GOLGA4: variants seen among roughly 807,000 people sequenced by gnomAD.
GOLGA4 encodes the protein golgin A4.
A neutral mutation model predicts 265.9 loss-of-function variants in GOLGA4; 169 were observed. The ratio of observed to expected loss-of-function variants is 0.64; its 90% CI spans 0.56 to 0.72. GOLGA4 has a LOEUF of 0.72. Among genes scored for constraint, GOLGA4 ranks in the 30% least tolerant of loss-of-function variants. The pLI, the probability that GOLGA4 is intolerant of heterozygous loss-of-function variation, is 0.00. For missense variants in GOLGA4, 2,482 were observed against 2,483.4 expected (o/e 1.00, Z 0.01); for synonymous variants, 923 against 855.8 (o/e 1.08, Z -1.37).
At chr3:37,288,741 G>C (rs1357570025) in intron 4 of GOLGA4, among the ~76,000 whole-genome samples, 3 of 151,994 alleles carry the variant, frequency 2.0e-5, no homozygotes, top group Non-Finnish European at 2.9e-5. Context: ...GCCTCCCAAA[G>C]TGCTGGGATT....
intron 21 of GOLGA4, among the ~76,000 whole-genome samples, chr3:37,349,410 A>G (rs2097066688): frequency 6.6e-6 from 1 of 152,104 alleles, no homozygotes; most frequent in African/African-American, 2.4e-5. Flanking sequence ...TTAAGAGGAG[A>G]TGTTAGATTT....
intron 2 of GOLGA4, chr3:37,273,740 T>A (rs2096805291): frequency 1.7e-6 from 1 of 575,194 alleles, no homozygotes; most frequent in Non-Finnish European, 3.1e-6. Flanking sequence ...TAAACACAGG[T>A]TTGCTCATGG....
intron 10 of GOLGA4, among the ~76,000 whole-genome samples, chr3:37,311,319 A>G (rs1192623129): frequency 6.6e-6 from 1 of 152,190 alleles, no homozygotes; most frequent in Non-Finnish European, 1.5e-5. Flanking sequence ...GCCAGTTAAC[A>G]TTTCCTTAAA....
At chr3:37,258,224 CTG>C (rs994243891) in intron 2 of GOLGA4, among the ~76,000 whole-genome samples, 6 of 144,142 alleles carry the variant, frequency 4.2e-5, no homozygotes, top group Admixed American at 2.8e-4. Context: ...TATATATGCT[CTG>C]TATATGTATG....
intron 16 of GOLGA4, among the ~76,000 whole-genome samples, chr3:37,329,803 T>C (rs1434495618): frequency 6.6e-6 from 1 of 152,240 alleles, no homozygotes; most frequent in Non-Finnish European, 1.5e-5. Flanking sequence ...TCAAATGTAA[T>C]ACAATATAAA....
At chr3:37,257,004 C>T (rs1301200327) in intron 2 of GOLGA4, among the ~76,000 whole-genome samples, 1 of 152,046 alleles carries the variant, frequency 6.6e-6, no homozygotes, top group African/African-American at 2.4e-5. Context: ...GTTGTACATT[C>T]ATCACATCTA....
chr3:37,321,736 G>C lies in GOLGA4; in HGVS notation c.1551G>C (p.Lys517Asn). The change falls in exon 13 of 24, where the codon AAG becomes AAC. Residue 517 changes from lysine (K) to asparagine (N), a missense_variant. This residue lies in a region of GOLGA4 where 1,536 missense variants were observed against 1,483.7 expected (regional missense o/e 1.04). Transcript: ENST00000361924. ...ATTAATTATTTTTGGCACAGGAAAA[G>C]AGTCAATCAGAATATTTGAAGATCA... The part of the protein sequence containing the change: ...FQEQMKVALE[K>N]SQSEYLKISQ... 11 of 1,603,880 alleles carry C rather than the reference G, an allele frequency of 6.9e-6. No individual in the cohort carries two copies. Among genetic ancestry groups the C allele is most frequent in the Non-Finnish European group, 9.3e-6 (11 of 1,177,480 alleles).
chr3:37,246,802 G>A (rs934047184), intron 1 of GOLGA4, among the ~76,000 whole-genome samples: 1 of 152,004 alleles, frequency 6.6e-6, no homozygotes, highest in African/African-American at 2.4e-5. Flanking sequence ...CAACATATAC[G>A]CCCCTCCTTA....
chr3:37,274,419 C>T (rs2096808046), intron 2 of GOLGA4, among the ~76,000 whole-genome samples: 1 of 152,060 alleles, frequency 6.6e-6, no homozygotes, highest in African/African-American at 2.4e-5. Flanking sequence ...AGGCTGGGCG[C>T]AGTGGCTCAT....
Position 37,327,890 on chromosome 3 carries a change from T to C in GOLGA4, c.5939+65T>C, listed in dbSNP as rs999034583. 1.5e-5 allele frequency: 19 copies of C among 1,242,906 alleles called. No homozygotes were observed. The Admixed American group carries it at 4.4e-4, about 29-fold the overall frequency. The allele number at this position is 1,242,906 out of a possible 1,614,324, so 77.0% of individuals were successfully genotyped here. On this transcript the variant is annotated intron_variant, in intron 14 of 23. Coordinates refer to ENST00000361924, the MANE Select transcript of GOLGA4 (RefSeq NM_002078.5). ...TTCTTAATTAAGTCTCCTTTTTTTG[T>C]GCCTAATACAGTTATTTTAAATTAT...
rs907543058 is a variant in GOLGA4, at chr3:37,284,443, A to G, written c.478-1571A>G. On this transcript the variant is annotated intron_variant, in intron 3 of 23. Coordinates refer to ENST00000361924, the MANE Select transcript of GOLGA4 (RefSeq NM_002078.5). ...TAATGTTTGCGTTTTTAGTAGAGACAGGGTTTCACCATGTTGGCCAGGCTG... is the reference window on the plus strand; with the variant it reads ...TAATGTTTGCGTTTTTAGTAGAGACGGGGTTTCACCATGTTGGCCAGGCTG... Among the ~76,000 whole-genome samples, 8 of 152,140 alleles carry G rather than the reference A, an allele frequency of 5.3e-5. No homozygotes were observed. In the East Asian group the frequency reaches 5.8e-4, roughly 11 times the overall value.
chr3:37,308,138 C>T (rs1057379385), intron 10 of GOLGA4, among the ~76,000 whole-genome samples: 2 of 151,596 alleles, frequency 1.3e-5, no homozygotes, highest in Non-Finnish European at 2.9e-5. Context: ...GAGGCTGAGG[C>T]AGGAGAATCA....
chr3:37,331,106 A>T (rs569162648), intron 16 of GOLGA4, among the ~76,000 whole-genome samples: 41 of 151,076 alleles, frequency 2.7e-4, no homozygotes, highest in African/African-American at 8.2e-4. Flanking sequence ...AGCCACATTT[A>T]AAAAAAAAGG....
chr3:37,279,649 G>A (rs1016777728), intron 2 of GOLGA4, among the ~76,000 whole-genome samples: 2 of 152,192 alleles, frequency 1.3e-5, no homozygotes, highest in African/African-American at 4.8e-5. Flanking sequence ...GCTCACACCT[G>A]TAATACTGGC....
chr3:37,276,053 A>G, intron 2 of GOLGA4: 2 of 1,612,650 alleles, frequency 1.2e-6, no homozygotes, highest in Non-Finnish European at 1.7e-6. Flanking sequence ...GGATGAGACA[A>G]ATGCTCGAGA....
At position 37,361,263 on chromosome 3, in the gene GOLGA4, T is replaced by G; in HGVS notation, c.6684T>G (p.Gly2228=). 1 of 1,613,170 alleles carries G rather than the reference T, an allele frequency of 6.2e-7. No individual in the cohort carries two copies. Among genetic ancestry groups the G allele is most frequent in the Non-Finnish European group, 8.5e-7 (1 of 1,179,240 alleles). The change falls in exon 23 of 24, where the codon GGT becomes GGG. Residue 2228 remains glycine, a synonymous_variant. Coordinates refer to ENST00000361924, the MANE Select transcript of GOLGA4 (RefSeq NM_002078.5). The part of the protein sequence containing the change: ...ARLMFTSPRS[G]IF ...TGTAGTTTACTTCACCTCGCAGTGGTATCTTCTGAGTAAACCATCAGTCTG... is the reference window on the plus strand; with the variant it reads ...TGTAGTTTACTTCACCTCGCAGTGGGATCTTCTGAGTAAACCATCAGTCTG...
chr3:37,277,454 G>A (rs1387269165), intron 2 of GOLGA4, among the ~76,000 whole-genome samples: 2 of 152,176 alleles, frequency 1.3e-5, no homozygotes, highest in Admixed American at 1.3e-4. Context: ...GCATCTTAGT[G>A]TAGTATAGCT....
chr3:37,304,930 A>C (rs1019790247), intron 10 of GOLGA4, among the ~76,000 whole-genome samples: 2 of 152,150 alleles, frequency 1.3e-5, no homozygotes, highest in African/African-American at 2.4e-5. Context: ...AAAAATAAAA[A>C]ATAAATACTA....
chr3:37,289,114 T>C (rs929533368), intron 4 of GOLGA4, 121 bp from the exon 5 acceptor site: 2 of 608,318 alleles, frequency 3.3e-6, no homozygotes, highest in African/African-American at 3.7e-5. Context: ...TCCTCTATCT[T>C]CAGGTTATTT....
Sources: gnomAD v4.1 joint callset for allele counts (sites outside exome capture counted in the v4.1 genomes callset) on GRCh38, gnomAD v4.1.1 for gene constraint, gnomAD v4.1.1 regional missense constraint, MANE v1.5 for transcripts, NCBI Gene and HGNC (gene_info 2026-07-23, HGNC 2026-07-21) for gene names.